Variants in ITGB3BP observed in about 807,000 individuals in gnomAD.
The protein encoded by ITGB3BP is integrin subunit beta 3 binding protein, also known as centromere protein R.
A neutral mutation model predicts 29.1 loss-of-function variants in ITGB3BP; 27 were observed. The observed-to-expected ratio is 0.93, with a 90% CI of 0.68 to 1.28. ITGB3BP has a LOEUF of 1.28. ITGB3BP is among the 50% of genes most tolerant of loss of function. The probability of loss-of-function intolerance (pLI) is 0.00; values close to 1 mark genes in which losing one functional copy is unlikely to be tolerated. For missense variants in ITGB3BP, 192 were observed against 200.2 expected (o/e 0.96, Z 0.25); for synonymous variants, 61 against 61.4 (o/e 0.99, Z 0.03).
chr1:63,520,656 T>C (rs995098479), intron 1 of ITGB3BP, among the ~76,000 whole-genome samples: 3 of 152,100 alleles, frequency 2.0e-5, no homozygotes, highest in Non-Finnish European at 2.9e-5. Flanking sequence ...AATGAAAAAA[T>C]GTAAGCTGTG....
chr1:63,499,390 A>C (rs1302168457), intron 2 of ITGB3BP, among the ~76,000 whole-genome samples: 2 of 152,010 alleles, frequency 1.3e-5, no homozygotes, highest in Non-Finnish European at 2.9e-5. Context: ...GCCTCAGGTG[A>C]TCCACCTGCC....
intron 1 of ITGB3BP, among the ~76,000 whole-genome samples, chr1:63,513,621 T>TCG (rs1646248249): frequency 6.6e-6 from 1 of 151,688 alleles, no homozygotes; most frequent in Admixed American, 6.6e-5. Context: ...GGAACACACA[T>TCG]CACACACACA....
At chr1:63,471,640 G>C (rs1049556713) in intron 4 of ITGB3BP, among the ~76,000 whole-genome samples, 1 of 152,108 alleles carries the variant, frequency 6.6e-6, no homozygotes, top group Non-Finnish European at 1.5e-5. Context: ...TAAGGGTCCA[G>C]ATAAAATTTT....
At position 63,473,490 on chromosome 1, in the gene ITGB3BP, G is replaced by C. The variant is rs1363807428; in HGVS notation, c.254+5274C>G. Among the ~76,000 whole-genome samples the C allele has an allele frequency of 9.0e-3, 1,243 of 137,862 alleles. 21 individuals carry two copies. The highest frequency in any genetic ancestry group is 0.032 in the African/African-American group (1,173 of 36,838). 90.4% of individuals were successfully genotyped at this position (137,862 alleles called of 152,430 possible). A position where few individuals can be genotyped will look rare whatever the true frequency, so the allele number is the denominator to read the frequency against. On this transcript the variant is annotated intron_variant, in intron 4 of 8. Coordinates refer to ENST00000271002, the MANE Select transcript of ITGB3BP (RefSeq NM_014288.5). ...AGGGAGGTGGGGGGGTCAGCCCCCC[G>C]CCCGGCCAGCCGCCCAGTCCGGGAG...
chr1:63,527,559 AC>A (rs1646616797), upstream of ITGB3BP, among the ~76,000 whole-genome samples: 1 of 152,184 alleles, frequency 6.6e-6, no homozygotes. Flanking sequence ...TTTAAAGTAA[AC>A]CCTGGCAAAA....
chr1:63,485,983 C>T (rs562871471), intron 3 of ITGB3BP, among the ~76,000 whole-genome samples: 89 of 152,120 alleles, frequency 5.9e-4, no homozygotes, highest in African/African-American at 2.1e-3. Flanking sequence ...TTATGAAAAA[C>T]TGATAGTCCT....
chr1:63,498,844 G>A (rs1355847093), intron 2 of ITGB3BP, among the ~76,000 whole-genome samples: 2 of 151,712 alleles, frequency 1.3e-5, no homozygotes, highest in South Asian at 2.1e-4. Flanking sequence ...AGGAGGGAGG[G>A]AGGGTGGAAG....
At chr1:63,488,396 G>A (rs2100666612) in intron 3 of ITGB3BP, among the ~76,000 whole-genome samples, 1 of 152,102 alleles carries the variant, frequency 6.6e-6, no homozygotes, top group East Asian at 1.9e-4. Flanking sequence ...CTTATCATAA[G>A]TGTGATGGGA....
At chr1:63,503,349 T>A (rs1353673572) in intron 2 of ITGB3BP, among the ~76,000 whole-genome samples, 3 of 152,080 alleles carry the variant, frequency 2.0e-5, no homozygotes, top group African/African-American at 7.2e-5. Flanking sequence ...TTTGCCCACT[T>A]TTTGATGGGG....
chr1:63,473,167 A>G (rs1405398306), intron 4 of ITGB3BP, among the ~76,000 whole-genome samples: 2 of 146,186 alleles, frequency 1.4e-5, no homozygotes, highest in East Asian at 2.1e-4. Context: ...CTGGGCCGCA[A>G]CCCTGTCTGG....
chr1:63,528,963 CA>C (rs144879638), intron 2 of ITGB3BP, among the ~76,000 whole-genome samples: 17 of 148,872 alleles, frequency 1.1e-4, no homozygotes, highest in Admixed American at 3.3e-4. Flanking sequence ...ATTTTAGAGG[CA>C]AAAAAAAAAT....
intron 3 of ITGB3BP, among the ~76,000 whole-genome samples, chr1:63,482,270 CAAA>C (rs376500389): frequency 3.4e-4 from 20 of 59,348 alleles, no homozygotes; most frequent in African/African-American, 1.1e-3. Flanking sequence ...GACTCCATCT[CAAA>C]AAAAAAAAAA....
intron 7 of ITGB3BP, among the ~76,000 whole-genome samples, chr1:63,450,709 A>C (rs1644849693): frequency 6.6e-6 from 1 of 151,994 alleles, no homozygotes; most frequent in Non-Finnish European, 1.5e-5. Context: ...CCTAATAGTC[A>C]TAAAGCCAGT....
intron 8 of ITGB3BP, among the ~76,000 whole-genome samples, chr1:63,444,584 T>C (rs1439246246): frequency 2.7e-5 from 3 of 111,482 alleles, no homozygotes; most frequent in African/African-American, 8.6e-5. Flanking sequence ...ATAGGATATA[T>C]ATATATCTCC....
At chr1:63,481,257 AT>A (rs1452335513) in intron 3 of ITGB3BP, among the ~76,000 whole-genome samples, 7 of 152,264 alleles carry the variant, frequency 4.6e-5, no homozygotes, top group African/African-American at 1.4e-4. Flanking sequence ...GATCAATAGT[AT>A]TAACCTCAGT....
At chr1:63,484,039 A>T (rs1645484261) in intron 3 of ITGB3BP, among the ~76,000 whole-genome samples, 1 of 152,144 alleles carries the variant, frequency 6.6e-6, no homozygotes, top group South Asian at 2.1e-4. Context: ...TTGTAAGTAC[A>T]GTTGGCCCTC....
chr1:63,492,427 C>G (rs1645672920), intron 2 of ITGB3BP, among the ~76,000 whole-genome samples: 1 of 152,110 alleles, frequency 6.6e-6, no homozygotes, highest in Non-Finnish European at 1.5e-5. Context: ...CACACAAAGG[C>G]ATAACCCTAC....
At chr1:63,495,549 A>G (rs1645765864) in intron 2 of ITGB3BP, among the ~76,000 whole-genome samples, 1 of 152,012 alleles carries the variant, frequency 6.6e-6, no homozygotes, top group Non-Finnish European at 1.5e-5. Flanking sequence ...CTTAACTAAT[A>G]TATTCCCTCA....
chr1:63,523,013 A>G, intron 1 of ITGB3BP, 116 bp downstream of exon 1: 2 of 1,195,710 alleles, frequency 1.7e-6, no homozygotes, highest in South Asian at 2.4e-5. Flanking sequence ...TGGACAGAGG[A>G]GACAAGTTCA....
Sources: gnomAD v4.1 joint callset for allele counts (sites outside exome capture counted in the v4.1 genomes callset) on GRCh38, gnomAD v4.1.1 for gene constraint, MANE v1.5 for transcripts, NCBI Gene and HGNC (gene_info 2026-07-23, HGNC 2026-07-21) for gene names.